Variants in RALYL observed in about 807,000 individuals in gnomAD.
RALYL encodes RALY RNA binding protein like.
In RALYL, 29 loss-of-function variants were observed where a neutral mutation model predicts 35.1. The ratio of observed to expected loss-of-function variants is 0.83; its 90% CI spans 0.61 to 1.13. The LOEUF (loss-of-function observed/expected upper bound fraction) is 1.13, where lower values mean the gene tolerates loss of function less well. RALYL is among the 50% of genes most tolerant of loss of function. The pLI, the probability that RALYL is intolerant of heterozygous loss-of-function variation, is 0.00. For synonymous variants in RALYL, 120 were observed against 127.6 expected, an observed-to-expected ratio of 0.94 and a Z score of 0.40; for missense variants, 359 against 360.4, an observed-to-expected ratio of 1.00 and a Z score of 0.03.
intron 2 of RALYL, among the ~76,000 whole-genome samples, chr8:84,670,727 C>G (rs1038424852): frequency 6.6e-6 from 1 of 152,088 alleles, no homozygotes; most frequent in Non-Finnish European, 1.5e-5. Flanking sequence ...AAAGCCCACC[C>G]CCATGATTCA....
intron 3 of RALYL, among the ~76,000 whole-genome samples, chr8:84,803,945 T>G (rs183156888): frequency 6.6e-6 from 1 of 152,318 alleles, no homozygotes; most frequent in Non-Finnish European, 1.5e-5. Flanking sequence ...TAATTGTATC[T>G]TAAGAAACCT....
intron 2 of RALYL, among the ~76,000 whole-genome samples, chr8:84,671,324 G>A (rs1833184317): frequency 6.6e-6 from 1 of 152,188 alleles, no homozygotes; most frequent in African/African-American, 2.4e-5. Context: ...GGTACACAGT[G>A]TAAACTGTTG....
chr8:84,423,827 A>C (rs1284534814), intron 1 of RALYL, among the ~76,000 whole-genome samples: 1 of 151,638 alleles, frequency 6.6e-6, no homozygotes, highest in African/African-American at 2.4e-5. Flanking sequence ...TTGGCTGGAT[A>C]TGAAATTCTG....
At chr8:84,766,516 A>G (rs1242424524) in intron 2 of RALYL, among the ~76,000 whole-genome samples, 1 of 144,296 alleles carries the variant, frequency 6.9e-6, no homozygotes, top group East Asian at 2.1e-4. Flanking sequence ...ACACGGTGAA[A>G]CCCCATCTCT....
chr8:84,451,827 G>T (rs1246468101), intron 1 of RALYL, among the ~76,000 whole-genome samples: 2 of 151,842 alleles, frequency 1.3e-5, no homozygotes, highest in African/African-American at 2.4e-5. Context: ...AGAATATTTG[G>T]CATTACTTAT....
intron 2 of RALYL, among the ~76,000 whole-genome samples, chr8:84,760,115 T>C (rs1812341625): frequency 6.6e-6 from 1 of 152,188 alleles, no homozygotes; most frequent in African/African-American, 2.4e-5. Flanking sequence ...GATATTATTT[T>C]TCAAACTGAA....
chr8:84,399,157 C>T (rs930311310), intron 1 of RALYL, among the ~76,000 whole-genome samples: 2 of 152,092 alleles, frequency 1.3e-5, no homozygotes, highest in African/African-American at 4.8e-5. Flanking sequence ...TGCTCTAACA[C>T]AATATCACAA....
chr8:84,813,335 G>A (rs1259841248), intron 4 of RALYL, among the ~76,000 whole-genome samples: 1 of 152,142 alleles, frequency 6.6e-6, no homozygotes, highest in Admixed American at 6.5e-5. Context: ...GGGATTGCTG[G>A]TTCATTCTTG....
At chr8:84,871,612 G>C (rs985769935) in intron 6 of RALYL, among the ~76,000 whole-genome samples, 2 of 152,138 alleles carry the variant, frequency 1.3e-5, no homozygotes, top group African/African-American at 4.8e-5. Context: ...ATGGTACTTT[G>C]ATGTCTTTGA....
chr8:84,669,492 C>CT (rs1554771610), intron 2 of RALYL, among the ~76,000 whole-genome samples: 2 of 55,902 alleles, frequency 3.6e-5, no homozygotes, highest in Non-Finnish European at 7.0e-5. Flanking sequence ...CCCCCTCCCC[C>CT]CCCCCCCACT....
At chr8:84,310,083 C>T (rs1842487925) in intron 1 of RALYL, among the ~76,000 whole-genome samples, 1 of 151,084 alleles carries the variant, frequency 6.6e-6, no homozygotes, top group Non-Finnish European at 1.5e-5. Flanking sequence ...GAGTCTCGCT[C>T]TGTCACACAG....
chr8:84,491,908 T>C (rs957058664), intron 1 of RALYL, among the ~76,000 whole-genome samples: 2 of 151,872 alleles, frequency 1.3e-5, no homozygotes, highest in African/African-American at 4.8e-5. Context: ...CAACCCTATA[T>C]CCTTAGAATC....
At chr8:84,612,173 A>G (rs925627416) in intron 2 of RALYL, among the ~76,000 whole-genome samples, 1 of 152,004 alleles carries the variant, frequency 6.6e-6, no homozygotes, top group African/African-American at 2.4e-5. Flanking sequence ...TGTTTCCAGT[A>G]GTGAGATTTA....
intron 4 of RALYL, among the ~76,000 whole-genome samples, chr8:84,833,562 C>A (rs1469346685): frequency 2.0e-5 from 3 of 150,544 alleles, no homozygotes; most frequent in Non-Finnish European, 4.4e-5. Context: ...TGCTTGAACC[C>A]AGGAGGCGGA....
intron 2 of RALYL, among the ~76,000 whole-genome samples, chr8:84,646,901 T>C (rs1827619368): frequency 6.6e-6 from 1 of 152,094 alleles, no homozygotes; most frequent in Admixed American, 6.6e-5. Flanking sequence ...ACTTTCTCAC[T>C]TTGATGATGA....
chr8:84,220,209 G>A (rs1226590839), intron 1 of RALYL, among the ~76,000 whole-genome samples: 1 of 152,026 alleles, frequency 6.6e-6, no homozygotes, highest in African/African-American at 2.4e-5. Flanking sequence ...TGCTACAGTT[G>A]TAAACAATTA....
intron 2 of RALYL, among the ~76,000 whole-genome samples, chr8:84,665,126 TTTTA>T (rs1444637812): frequency 1.3e-5 from 2 of 152,056 alleles, no homozygotes; most frequent in Admixed American, 1.3e-4. Context: ...GATGAGTCAC[TTTTA>T]TTTATTTGTG....
At chr8:84,862,224 T>G in intron 5 of RALYL, 72 bp from the exon 6 acceptor site, 2 of 1,274,996 alleles carry the variant, frequency 1.6e-6, no homozygotes, top group Non-Finnish European at 2.1e-6. Flanking sequence ...GACATTCTGT[T>G]CAACATTTCA....
intron 2 of RALYL, among the ~76,000 whole-genome samples, chr8:84,764,778 G>A (rs2133414250): frequency 6.6e-6 from 1 of 152,284 alleles, no homozygotes; most frequent in East Asian, 1.9e-4. Flanking sequence ...TTAGACTACA[G>A]TTTCATTCTT....
Sources: gnomAD v4.1 joint callset for allele counts (sites outside exome capture counted in the v4.1 genomes callset) on GRCh38, gnomAD v4.1.1 for gene constraint, MANE v1.5 for transcripts, NCBI Gene and HGNC (gene_info 2026-07-23, HGNC 2026-07-21) for gene names.